SIK3: variants seen among roughly 807,000 people sequenced by gnomAD.
SIK3 encodes the protein serine/threonine-protein kinase SIK3.
Under a neutral mutation model 144.2 loss-of-function variants are expected in SIK3, and 28 were observed. That is an observed-to-expected ratio of 0.19 (90% CI 0.14 to 0.27). The LOEUF (loss-of-function observed/expected upper bound fraction) is 0.27, where lower values mean the gene tolerates loss of function less well. Ranked by LOEUF, SIK3 falls within the 10% of genes least tolerant of loss-of-function variation. The pLI, the probability that SIK3 is intolerant of heterozygous loss-of-function variation, is 1.00. For missense variants in SIK3, 1,319 were observed against 1,776.0 expected (o/e 0.74, Z 4.62); for synonymous variants, 686 against 676.3 (o/e 1.01, Z -0.22).
intron 1 of SIK3, among the ~76,000 whole-genome samples, chr11:117,018,537 A>C (rs980271763): frequency 6.6e-6 from 1 of 152,084 alleles, no homozygotes; most frequent in Non-Finnish European, 1.5e-5. Flanking sequence ...CTTTAGGTGT[A>C]ACACAAATGG....
intron 1 of SIK3, among the ~76,000 whole-genome samples, chr11:117,038,905 C>G (rs1231731813): frequency 6.6e-6 from 1 of 151,790 alleles, no homozygotes; most frequent in African/African-American, 2.4e-5. Context: ...CAAAAATTAG[C>G]CAGGCATGGT....
intron 1 of SIK3, among the ~76,000 whole-genome samples, chr11:116,957,396 T>C (rs1949179082): frequency 6.6e-6 from 1 of 152,156 alleles, no homozygotes; most frequent in African/African-American, 2.4e-5. Context: ...TGCAGAGTGG[T>C]ATACAGGGTC....
chr11:116,967,822 G>A (rs1565510087), intron 1 of SIK3, among the ~76,000 whole-genome samples: 1 of 152,300 alleles, frequency 6.6e-6, no homozygotes, highest in East Asian at 1.9e-4. Flanking sequence ...TAAGAAGCCA[G>A]CCTCCCTGTG....
At chr11:116,899,334 T>A (rs1321496892) in intron 4 of SIK3, among the ~76,000 whole-genome samples, 4 of 152,080 alleles carry the variant, frequency 2.6e-5, no homozygotes, top group Admixed American at 1.3e-4. Context: ...GATCTATATC[T>A]CTGTTTTGGT....
intron 3 of SIK3, among the ~76,000 whole-genome samples, chr11:116,931,061 T>C (rs1947578197): frequency 6.6e-6 from 1 of 152,232 alleles, no homozygotes; most frequent in Non-Finnish European, 1.5e-5. Context: ...TACTTTTAAA[T>C]TCTCTTTCTC....
intron 1 of SIK3, among the ~76,000 whole-genome samples, chr11:116,960,337 G>T (rs932208755): frequency 1.3e-5 from 2 of 152,000 alleles, no homozygotes; most frequent in African/African-American, 4.8e-5. Flanking sequence ...ACCAGCCTGG[G>T]CAACAAAGTG....
At chr11:116,851,327 T>C (rs1942421309) in intron 21 of SIK3, among the ~76,000 whole-genome samples, 1 of 152,204 alleles carries the variant, frequency 6.6e-6, no homozygotes. Context: ...AAACAAAAGC[T>C]CTTAATAGCA....
chr11:117,082,327 C>T (rs1223998419), intron 1 of SIK3, among the ~76,000 whole-genome samples: 1 of 152,084 alleles, frequency 6.6e-6, no homozygotes, highest in Admixed American at 6.6e-5. Flanking sequence ...GAAATTTGTA[C>T]ACAAATGTTC....
intron 1 of SIK3, among the ~76,000 whole-genome samples, chr11:117,039,269 A>G (rs1050409479): frequency 5.9e-5 from 9 of 152,200 alleles, no homozygotes; most frequent in Admixed American, 2.0e-4. Flanking sequence ...AAAGCTCAAC[A>G]ATGAAAAAAT....
At chr11:117,060,844 A>C (rs1953759272) in intron 1 of SIK3, among the ~76,000 whole-genome samples, 1 of 152,226 alleles carries the variant, frequency 6.6e-6, no homozygotes, top group African/African-American at 2.4e-5. Flanking sequence ...TACCACACTA[A>C]TGCAAGATGT....
At position 116,857,918 on chromosome 11, in the gene SIK3, C is replaced by A; in HGVS notation, c.3547G>T (p.Asp1183Tyr). ...PLLLSTGGPG[D>Y]PESLLGTVSH... ...ACAGTTCCTAGCAAAGATTCAGGGT[C>A]CCCAGGTCCACCGGTACTCAAGAGC... The change falls in exon 21 of 25, where the codon GAC becomes TAC. Residue 1183 changes from aspartate to tyrosine, a missense_variant. Around this residue, in one of 8 missense-constraint regions of SIK3, gnomAD observed 646 missense variants for 763.7 expected, o/e 0.85. Transcript: ENST00000445177. 6.2e-7 allele frequency: 1 copy of A among 1,614,100 alleles called. No individual in the cohort carries two copies. Among genetic ancestry groups the A allele is most frequent in the East Asian group, 2.2e-5 (1 of 44,878 alleles).
chr11:116,993,223 C>T (rs949824238), intron 1 of SIK3, among the ~76,000 whole-genome samples: 5 of 152,082 alleles, frequency 3.3e-5, no homozygotes, highest in African/African-American at 4.8e-5. Flanking sequence ...AACCCCTCCC[C>T]ACAGTAACAG....
At chr11:116,986,673 G>C (rs1405875065) in intron 1 of SIK3, among the ~76,000 whole-genome samples, 3 of 152,138 alleles carry the variant, frequency 2.0e-5, no homozygotes, top group Non-Finnish European at 4.4e-5. Flanking sequence ...TACCAAGTAA[G>C]TGTTAGTCAC....
intron 1 of SIK3, among the ~76,000 whole-genome samples, chr11:117,017,705 C>G (rs1351138205): frequency 6.6e-6 from 1 of 152,018 alleles, no homozygotes; most frequent in Non-Finnish European, 1.5e-5. Flanking sequence ...GAGGTAGGAT[C>G]TACAAATCCT....
At chr11:117,076,053 T>C (rs1954519258) in intron 1 of SIK3, among the ~76,000 whole-genome samples, 1 of 151,908 alleles carries the variant, frequency 6.6e-6, no homozygotes, top group African/African-American at 2.4e-5. Context: ...TTCACCATGT[T>C]GGCCAGGCTG....
intron 6 of SIK3, among the ~76,000 whole-genome samples, chr11:116,885,738 T>C (rs1423246491): frequency 6.6e-6 from 1 of 152,168 alleles, no homozygotes; most frequent in Admixed American, 6.5e-5. Context: ...AGAATGAAAA[T>C]ACAAACACAT....
At chr11:116,950,386 T>C in intron 3 of SIK3, 1 of 269,724 alleles carries the variant, frequency 3.7e-6, no homozygotes, top group South Asian at 3.0e-5. Flanking sequence ...AATATCAAAA[T>C]GGAGTCACTC....
In SIK3 at chr11:117,020,096, T is replaced by C. The variant is rs552678280; in HGVS notation, c.274-63032A>G. ...ACATACAACCTTCCAAACCCGGGGT[T>C]TGACGAATGAGCCAGATGAAACTAC... On this transcript the variant is annotated intron_variant, in intron 1 of 24. Coordinates refer to ENST00000445177, the MANE Select transcript of SIK3 (RefSeq NM_001366686.3). 5.3e-5 allele frequency among the ~76,000 whole-genome samples: 8 copies of C among 151,982 alleles called. No homozygotes were observed. The East Asian group carries it at 7.7e-4, about 15-fold the overall frequency.
At chr11:116,878,545 A>G (rs1267993244) in intron 6 of SIK3, among the ~76,000 whole-genome samples, 8 of 151,990 alleles carry the variant, frequency 5.3e-5, no homozygotes, top group African/African-American at 1.9e-4. Context: ...ACGCCCAGCT[A>G]ATTTTTGCAT....
Sources: allele counts gnomAD v4.1 joint callset (sites outside exome capture counted in the v4.1 genomes callset), GRCh38; gene constraint gnomAD v4.1.1; regional missense constraint gnomAD v4.1.1; transcripts MANE v1.5; gene names NCBI Gene and HGNC (gene_info 2026-07-23, HGNC 2026-07-21).